GUCY1A2: variants seen among roughly 807,000 people sequenced by gnomAD.
GUCY1A2 encodes the protein guanylate cyclase soluble subunit alpha-2.
Under a neutral mutation model 63.5 loss-of-function variants are expected in GUCY1A2, and 27 were observed. The observed-to-expected ratio is 0.43, with a 90% CI of 0.31 to 0.59. The LOEUF is 0.59. Ranked by LOEUF, GUCY1A2 falls within the 20% of genes least tolerant of loss-of-function variation. The probability of loss-of-function intolerance (pLI) is 0.11; values close to 1 mark genes in which losing one functional copy is unlikely to be tolerated. For synonymous variants in GUCY1A2, 364 were observed against 343.5 expected (o/e 1.06, Z -0.66); for missense variants, 768 against 913.3 (o/e 0.84, Z 2.05).
At chr11:106,877,260 C>CCT (rs1859762905) in intron 4 of GUCY1A2, among the ~76,000 whole-genome samples, 2 of 152,076 alleles carry the variant, frequency 1.3e-5, no homozygotes, top group African/African-American at 4.8e-5. Flanking sequence ...ATCAAGTCAT[C>CCT]TGCAAACAGG....
intron 3 of GUCY1A2, among the ~76,000 whole-genome samples, chr11:106,941,663 T>A (rs565291046): frequency 9.2e-5 from 14 of 152,310 alleles, no homozygotes; most frequent in Admixed American, 5.9e-4. Context: ...TATCATTCCC[T>A]GAGTGTTCCT....
intron 6 of GUCY1A2, among the ~76,000 whole-genome samples, chr11:106,738,677 G>A (rs139572927): frequency 0.018 from 2,811 of 152,176 alleles, 59 homozygotes; most frequent in Non-Finnish European, 0.027. Flanking sequence ...GTTTTTGTCA[G>A]GTTTGTCAAA....
chr11:106,786,398 AT>A (rs1462611428), intron 5 of GUCY1A2, among the ~76,000 whole-genome samples: 4 of 152,200 alleles, frequency 2.6e-5, no homozygotes, highest in Non-Finnish European at 5.9e-5. Context: ...ATGGATATAA[AT>A]AGAACAGTGA....
chr11:106,698,857 T>C (rs17105964), intron 7 of GUCY1A2, among the ~76,000 whole-genome samples: 12,004 of 151,942 alleles, frequency 0.079, 788 homozygotes, highest in African/African-American at 0.16. Context: ...TTATTTTATT[T>C]GGTCATTCAT....
At chr11:106,787,206 T>A (rs113232353) in intron 5 of GUCY1A2, among the ~76,000 whole-genome samples, 48 of 152,004 alleles carry the variant, frequency 3.2e-4, no homozygotes, top group African/African-American at 1.1e-3. Flanking sequence ...AAATTATTTT[T>A]TACTATAGTC....
At chr11:106,798,453 C>A (rs1373839385) in intron 5 of GUCY1A2, among the ~76,000 whole-genome samples, 2 of 152,112 alleles carry the variant, frequency 1.3e-5, no homozygotes, top group East Asian at 3.9e-4. Context: ...CTGGCAAAAA[C>A]ACAACAAAAA....
intron 4 of GUCY1A2, among the ~76,000 whole-genome samples, chr11:106,870,112 G>GGC (rs1433029522): frequency 7.7e-6 from 1 of 129,150 alleles, no homozygotes; most frequent in African/African-American, 2.9e-5. Flanking sequence ...TTGTGAGGGG[G>GGC]GGGGAGGGGG....
chr11:106,962,588 A>G (rs1475396871), intron 3 of GUCY1A2, among the ~76,000 whole-genome samples: 1 of 151,188 alleles, frequency 6.6e-6, no homozygotes, highest in African/African-American at 2.4e-5. Flanking sequence ...GAAAGTCTGT[A>G]TATGAGTGTG....
At chr11:106,964,210 T>C (rs970559186) in intron 3 of GUCY1A2, among the ~76,000 whole-genome samples, 1 of 152,246 alleles carries the variant, frequency 6.6e-6, no homozygotes, top group Non-Finnish European at 1.5e-5. Flanking sequence ...GTCCCAATGA[T>C]ATACCTTATA....
chr11:106,950,766 A>C (rs1383977868), intron 3 of GUCY1A2, among the ~76,000 whole-genome samples: 1 of 152,170 alleles, frequency 6.6e-6, no homozygotes, highest in East Asian at 1.9e-4. Context: ...TTTAATGGTC[A>C]CTTTTTTAAA....
At chr11:106,998,920 G>A (rs2465782) in intron 1 of GUCY1A2, among the ~76,000 whole-genome samples, 108,435 of 152,086 alleles carry the variant, frequency 0.71, 39,968 homozygotes, top group African/African-American at 0.91. Context: ...GACCAAGAAC[G>A]TTAAATAATT....
At chr11:106,880,011 C>T (rs988550420) in intron 4 of GUCY1A2, among the ~76,000 whole-genome samples, 18 of 151,956 alleles carry the variant, frequency 1.2e-4, no homozygotes, top group Non-Finnish European at 2.2e-4. Flanking sequence ...CCTGTATGGT[C>T]AATGCACCTG....
chr11:106,687,583 A>T lies in GUCY1A2; in HGVS notation c.2165T>A (p.Ile722Asn). Residue 722 changes from isoleucine to asparagine, a missense_variant, in exon 8 of 8, where the codon ATC (isoleucine) becomes AAC (asparagine). Around this residue, in one of 3 missense-constraint regions of GUCY1A2, gnomAD observed 150 missense variants for 188.3 expected, o/e 0.80. Transcript: ENST00000526355. The part of the protein sequence containing the change: ...SSRIKKVSYN[I>N]GTMFLRETSL ...TGTCTCCCGGAGGAACATGGTGCCG[A>T]TGTTGTAGGAAACCTTTTTTATTCT... 6.2e-7 allele frequency: 1 copy of T among 1,613,962 alleles called. No individual in the cohort carries two copies. Among genetic ancestry groups the T allele is most frequent in the Non-Finnish European group, 8.5e-7 (1 of 1,179,904 alleles).
chr11:106,739,228 T>C (rs1424164183), intron 6 of GUCY1A2, among the ~76,000 whole-genome samples: 1 of 152,212 alleles, frequency 6.6e-6, no homozygotes, highest in Non-Finnish European at 1.5e-5. Context: ...CTTGTGATTT[T>C]TGCACATTGA....
chr11:107,011,720 T>G (rs1861748912), intron 1 of GUCY1A2, among the ~76,000 whole-genome samples: 1 of 148,476 alleles, frequency 6.7e-6, no homozygotes, highest in African/African-American at 2.5e-5. Flanking sequence ...AAAATGTAAC[T>G]TTAAAGTGAA....
intron 4 of GUCY1A2, among the ~76,000 whole-genome samples, chr11:106,853,445 G>T (rs1859383402): frequency 6.6e-6 from 1 of 151,832 alleles, no homozygotes; most frequent in Non-Finnish European, 1.5e-5. Context: ...TACTGTTGAA[G>T]ATATCAATTG....
chr11:107,000,015 G>T (rs1861592171), intron 1 of GUCY1A2, among the ~76,000 whole-genome samples: 1 of 152,158 alleles, frequency 6.6e-6, no homozygotes, highest in Non-Finnish European at 1.5e-5. Context: ...TAGAAAATCA[G>T]TAGGCAGCAG....
intron 6 of GUCY1A2, among the ~76,000 whole-genome samples, chr11:106,742,744 G>A (rs1019232833): frequency 2.0e-5 from 3 of 152,084 alleles, no homozygotes; most frequent in Admixed American, 6.6e-5. Flanking sequence ...TCTGCCTCTA[G>A]GTCTTTAAAG....
intron 7 of GUCY1A2, among the ~76,000 whole-genome samples, chr11:106,689,581 GAC>G (rs1404566193): frequency 6.6e-6 from 1 of 151,992 alleles, no homozygotes; most frequent in Non-Finnish European, 1.5e-5. Flanking sequence ...CTGAAAATAA[GAC>G]ACACATGAAG....
Sources: gnomAD v4.1 joint callset for allele counts (sites outside exome capture counted in the v4.1 genomes callset) on GRCh38, gnomAD v4.1.1 for gene constraint, gnomAD v4.1.1 regional missense constraint, MANE v1.5 for transcripts, NCBI Gene and HGNC (gene_info 2026-07-23, HGNC 2026-07-21) for gene names.